LPP: variants seen among roughly 807,000 people sequenced by gnomAD.
LPP encodes the protein lipoma-preferred partner.
Under a neutral mutation model 60.4 loss-of-function variants are expected in LPP, and 38 were observed. That is an observed-to-expected ratio of 0.63 (90% CI 0.49 to 0.83). The LOEUF (loss-of-function observed/expected upper bound fraction) is 0.83. LPP is among the 40% of genes least tolerant of loss of function. The pLI, the probability that LPP is intolerant of heterozygous loss-of-function variation, is 0.00. For synonymous variants in LPP, 328 were observed against 290.8 expected, an observed-to-expected ratio of 1.13 and a Z score of -1.30; for missense variants, 902 against 783.6, an observed-to-expected ratio of 1.15 and a Z score of -1.80.
chr3:188,846,122 G>T (rs1367589553), intron 9 of LPP, among the ~76,000 whole-genome samples: 1 of 152,156 alleles, frequency 6.6e-6, no homozygotes, highest in South Asian at 2.1e-4. Context: ...AGATGAGTCC[G>T]TGCTGGTCCC....
At chr3:188,243,440 C>A (rs1725702382) in intron 2 of LPP, among the ~76,000 whole-genome samples, 1 of 152,134 alleles carries the variant, frequency 6.6e-6, no homozygotes, top group South Asian at 2.1e-4. Context: ...GAGAACAAAC[C>A]TCCGGGGGCT....
intron 8 of LPP, among the ~76,000 whole-genome samples, chr3:188,721,182 T>C (rs1237309072): frequency 6.6e-6 from 1 of 152,202 alleles, no homozygotes; most frequent in Non-Finnish European, 1.5e-5. Flanking sequence ...ATAACATCTA[T>C]AATTTGATTC....
chr3:188,484,023 C>T (rs1234330965), intron 4 of LPP, among the ~76,000 whole-genome samples: 1 of 152,090 alleles, frequency 6.6e-6, no homozygotes, highest in African/African-American at 2.4e-5. Context: ...TTTCCTATGT[C>T]ATGACTTGCT....
At chr3:188,203,439 AT>A (rs1333261843) in intron 1 of LPP, among the ~76,000 whole-genome samples, 6 of 93,276 alleles carry the variant, frequency 6.4e-5, no homozygotes, top group Non-Finnish European at 1.1e-4. Context: ...ATAAATATAT[AT>A]TTATATAAAT....
intron 2 of LPP, among the ~76,000 whole-genome samples, chr3:188,311,342 G>A (rs2150269957): frequency 6.6e-6 from 1 of 152,150 alleles, no homozygotes; most frequent in South Asian, 2.1e-4. Flanking sequence ...AGTTGGTCAT[G>A]ATGGTGTACA....
chr3:188,211,447 G>A (rs1734660509), intron 1 of LPP, among the ~76,000 whole-genome samples: 1 of 152,038 alleles, frequency 6.6e-6, no homozygotes, highest in Admixed American at 6.5e-5. Flanking sequence ...GAACCACCGG[G>A]AAGCCAAGAT....
intron 9 of LPP, among the ~76,000 whole-genome samples, chr3:188,798,786 T>TAGA (rs386398849): frequency 6.6e-6 from 1 of 151,868 alleles, no homozygotes; most frequent in Non-Finnish European, 1.5e-5. Context: ...AGATGCTGAG[T>TAGA]AGGAATAAGA....
chr3:188,365,773 T>A (rs1394205028), intron 3 of LPP, among the ~76,000 whole-genome samples: 1 of 152,028 alleles, frequency 6.6e-6, no homozygotes, highest in African/African-American at 2.4e-5. Context: ...AGGATATAAT[T>A]GACGAAACAA....
chr3:188,580,801 G>T (rs1314744926), intron 6 of LPP, among the ~76,000 whole-genome samples: 1 of 152,178 alleles, frequency 6.6e-6, no homozygotes, highest in African/African-American at 2.4e-5. Flanking sequence ...TAGCTTGCAT[G>T]ATTTTGTGGG....
At chr3:188,478,306 AT>A (rs1803770967) in intron 4 of LPP, among the ~76,000 whole-genome samples, 2 of 152,138 alleles carry the variant, frequency 1.3e-5, no homozygotes, top group Non-Finnish European at 2.9e-5. Context: ...CAAAATGTAA[AT>A]TGAGACCTAT....
chr3:188,828,855 T>C (rs1428313641), intron 9 of LPP, among the ~76,000 whole-genome samples: 1 of 152,126 alleles, frequency 6.6e-6, no homozygotes, highest in African/African-American at 2.4e-5. Context: ...TTAAACAATA[T>C]TATATATTGT....
At chr3:188,825,708 C>T (rs1755296550) in intron 9 of LPP, among the ~76,000 whole-genome samples, 1 of 151,966 alleles carries the variant, frequency 6.6e-6, no homozygotes, top group African/African-American at 2.4e-5. Flanking sequence ...ACCATGGGTA[C>T]CTAGAAAAAG....
At chr3:188,453,687 ATCTAT>A (rs1237631574) in intron 4 of LPP, among the ~76,000 whole-genome samples, 1 of 151,904 alleles carries the variant, frequency 6.6e-6, no homozygotes, top group African/African-American at 2.4e-5. Flanking sequence ...ACTTCCACAA[ATCTAT>A]TCTATAGTAT....
At chr3:188,240,340 A>G (rs911240945) in intron 2 of LPP, among the ~76,000 whole-genome samples, 4 of 143,194 alleles carry the variant, frequency 2.8e-5, no homozygotes, top group East Asian at 2.0e-4. Flanking sequence ...GTTTTGGGTA[A>G]GAGTGTGTGT....
intron 6 of LPP, among the ~76,000 whole-genome samples, chr3:188,549,648 G>C (rs765189383): frequency 3.9e-5 from 6 of 152,150 alleles, no homozygotes; most frequent in Non-Finnish European, 8.8e-5. Flanking sequence ...CTTGGTAAGA[G>C]AAAAGAGTGA....
intron 6 of LPP, among the ~76,000 whole-genome samples, chr3:188,541,218 G>T (rs574299727): frequency 6.6e-6 from 1 of 152,288 alleles, no homozygotes; most frequent in East Asian, 1.9e-4. Context: ...TCATCTGATT[G>T]ACCTGGAGGG....
chr3:188,389,698 C>T (rs1779207673), intron 3 of LPP, among the ~76,000 whole-genome samples: 1 of 140,274 alleles, frequency 7.1e-6, no homozygotes, highest in South Asian at 2.4e-4. Flanking sequence ...ATCACTTGAA[C>T]CCGGGAGGCA....
At chr3:188,513,623 T>C (rs905994335) in intron 5 of LPP, among the ~76,000 whole-genome samples, 9 of 151,770 alleles carry the variant, frequency 5.9e-5, no homozygotes, top group African/African-American at 1.9e-4. Flanking sequence ...ACTTTAAAAA[T>C]ATATTATTTA....
At chr3:188,401,107 C>G (rs1026352225) in intron 3 of LPP, among the ~76,000 whole-genome samples, 7 of 152,174 alleles carry the variant, frequency 4.6e-5, no homozygotes, top group Non-Finnish European at 8.8e-5. Context: ...GAGACTAGAA[C>G]TGGGGCCACA....
Sources: allele counts gnomAD v4.1 joint callset (sites outside exome capture counted in the v4.1 genomes callset), GRCh38; gene constraint gnomAD v4.1.1; transcripts MANE v1.5; gene names NCBI Gene and HGNC (gene_info 2026-07-23, HGNC 2026-07-21).